MYO9B: variants seen among roughly 807,000 people sequenced by gnomAD.
MYO9B encodes unconventional myosin-IXb.
MYO9B carries 71 observed loss-of-function variants against 229.5 expected under a neutral mutation model. The ratio of observed to expected loss-of-function variants is 0.31; its 90% confidence interval spans 0.26 to 0.38. The LOEUF is 0.38. Ranked by LOEUF, MYO9B falls within the 10% of genes least tolerant of loss-of-function variation. MYO9B has a pLI of 1.00. For synonymous variants in MYO9B, 1,185 were observed against 1,235.8 expected (o/e 0.96, Z 0.86); for missense variants, 2,255 against 2,920.5 (o/e 0.77, Z 5.25).
chr19:17,167,199 A>ATTTT (rs79129217), intron 10 of MYO9B, among the ~76,000 whole-genome samples: 1 of 134,636 alleles, frequency 7.4e-6, no homozygotes, highest in African/African-American at 2.8e-5. Context: ...AAAGTTTTGG[A>ATTTT]TTTTTTTTTT....
chr19:17,113,204 C>G (rs2057865476), intron 2 of MYO9B, among the ~76,000 whole-genome samples: 2 of 152,102 alleles, frequency 1.3e-5, no homozygotes, highest in African/African-American at 4.8e-5. Flanking sequence ...CTTTGCTGGG[C>G]TGAGGGAGAA....
chr19:17,086,772 C>G (rs576156986), intron 1 of MYO9B, among the ~76,000 whole-genome samples: 3 of 151,914 alleles, frequency 2.0e-5, no homozygotes, highest in African/African-American at 7.3e-5. Flanking sequence ...CCCAGCTACT[C>G]GGGAGGCTGA....
chr19:17,130,807 A>G (rs2072187141), intron 2 of MYO9B, among the ~76,000 whole-genome samples: 1 of 151,818 alleles, frequency 6.6e-6, no homozygotes, highest in African/African-American at 2.4e-5. Flanking sequence ...TTTTGCCTAC[A>G]TAGGACGTTC....
Position 17,163,126 on chromosome 19 carries a change from C to T in MYO9B, c.1671+4C>T, listed in dbSNP as rs932347539. 38 of 1,549,884 alleles carry T rather than the reference C, an allele frequency of 2.5e-5. No individual in the cohort carries two copies. The highest frequency in any genetic ancestry group is 1.7e-4 in the Middle Eastern group (1 of 5,992). ...GCACATCTTCAAGCTGGAGCAGGTG[C>T]GGAAAGGGCTTTTTTGTCAATTTTT... On this transcript the variant is annotated splice_donor_region_variant and intron_variant, in intron 10 of 39. Coordinates refer to ENST00000682292, the MANE Select transcript of MYO9B (RefSeq NM_004145.4).
At chr19:17,191,765 C>T (rs982202697) in intron 20 of MYO9B, among the ~76,000 whole-genome samples, 4 of 151,714 alleles carry the variant, frequency 2.6e-5, no homozygotes, top group African/African-American at 7.3e-5. Context: ...CCCTTGAGCC[C>T]AGGAGTTTGA....
chr19:17,188,033 G>A lies in MYO9B; in HGVS notation c.2676G>A (p.Lys892=), dbSNP rs2072938474. The A allele has an allele frequency of 2.5e-6, 4 of 1,594,776 alleles. No individual in the cohort carries two copies. Among genetic ancestry groups the A allele is most frequent in the Non-Finnish European group, 3.4e-6 (4 of 1,170,888 alleles). The change falls in exon 19 of 40, where the codon AAG becomes AAA. Residue 892 remains lysine, a synonymous_variant. Coordinates refer to ENST00000682292, the MANE Select transcript of MYO9B (RefSeq NM_004145.4). ...VRIRRSGYSA[K]YTFQDFTEQF... is the part of the protein sequence containing the mutation. ...TCCGGAGGTCAGGGTACAGCGCCAA[G>A]TACACGTTCCAGGTAGGCCACAAGC... is the stretch of plus-strand genomic sequence containing the variant.
In MYO9B at chr19:17,163,133, G is replaced by C. The variant is rs1329076620; in HGVS notation, c.1671+11G>C. On this transcript the variant is annotated intron_variant, in intron 10 of 39. Transcript: ENST00000682292. Reference sequence around the variant, plus strand: ...TTCAAGCTGGAGCAGGTGCGGAAAGGGCTTTTTTGTCAATTTTTTGAACTT... The same window carrying C: ...TTCAAGCTGGAGCAGGTGCGGAAAGCGCTTTTTTGTCAATTTTTTGAACTT... 1 of 1,547,116 alleles carries C rather than the reference G, an allele frequency of 6.5e-7. No individual in the cohort carries two copies. The highest frequency in any genetic ancestry group is 2.0e-5 in the Admixed American group (1 of 49,680).
At chr19:17,123,777 G>A (rs1473819046) in intron 2 of MYO9B, among the ~76,000 whole-genome samples, 1 of 152,102 alleles carries the variant, frequency 6.6e-6, no homozygotes, top group African/African-American at 2.4e-5. Flanking sequence ...ATAGAAAATA[G>A]GCAAGGATGT....
intron 9 of MYO9B, 105 bp from the exon 10 acceptor site, chr19:17,162,883 C>A: frequency 7.9e-7 from 1 of 1,269,774 alleles, no homozygotes; most frequent in Non-Finnish European, 1.1e-6. Context: ...GCAACAGGGA[C>A]TGGGGACCTA....
At position 17,212,202 on chromosome 19, in the gene MYO9B, CGCCCTGGA is replaced by C; in HGVS notation, c.6371_6378del (p.Leu2124ProfsTer73). The C allele has an allele frequency of 6.3e-7, 1 of 1,582,234 alleles. No individual in the cohort carries two copies. On this transcript the variant is annotated frameshift_variant, in exon 40 of 40. Transcript: ENST00000682292. LOFTEE classifies it low-confidence loss of function (END_TRUNC). The surrounding 1 kb of genome is among the most constrained non-coding windows in gnomAD (Gnocchi z 5.4). ...CCGGGGCAGACCTGCCAGTGCAGGG[CGCCCTGGA>C]GCCCCTAGAAGAGGATGGCCAGCCA...
chr19:17,195,610 G>C lies in MYO9B; in HGVS notation c.4046+137G>C. 8.7e-7 allele frequency: 1 copy of C among 1,155,240 alleles called. No homozygotes were observed. The highest frequency in any genetic ancestry group is 1.2e-6 in the Non-Finnish European group (1 of 826,792). The allele number at this position is 1,155,240 out of a possible 1,614,324, so 71.6% of individuals were successfully genotyped here. A position where few individuals can be genotyped will look rare whatever the true frequency, so the allele number is the denominator to read the frequency against. ...TGCGGGAGGCCTGAGGGAGGAGGAC[G>C]AGCAGGACATGCTAAAGACCAAGTG... On this transcript the variant is annotated intron_variant, in intron 22 of 39. Transcript: ENST00000682292. This position sits in a 1 kb window ranked among gnomAD's most constrained non-coding sequence, Gnocchi z 4.5.
intron 13 of MYO9B, among the ~76,000 whole-genome samples, chr19:17,174,703 G>A (rs2072764192): frequency 6.6e-6 from 1 of 151,962 alleles, no homozygotes; most frequent in South Asian, 2.1e-4. Flanking sequence ...GGGAGACCGA[G>A]GTGGGTGGAC....
At chr19:17,095,166 C>A (rs1012135142) in intron 1 of MYO9B, among the ~76,000 whole-genome samples, 2 of 152,030 alleles carry the variant, frequency 1.3e-5, no homozygotes, top group Non-Finnish European at 2.9e-5. Flanking sequence ...TCGCTTGAAC[C>A]CAGGACGTGA....
Position 17,195,121 on chromosome 19 carries a change from G to C in MYO9B, c.3694G>C (p.Glu1232Gln). Residue 1232 changes from glutamate (E) to glutamine (Q), a missense_variant, in exon 22 of 40, where the codon GAA becomes CAA. Around this residue, in one of 7 missense-constraint regions of MYO9B, gnomAD observed 679 missense variants for 770.2 expected, o/e 0.88. Transcript: ENST00000682292. This position sits in a 1 kb window ranked among gnomAD's most constrained non-coding sequence, Gnocchi z 4.5. The part of the protein sequence containing the change: ...PQAMAVGKVS[E>Q]ETEKTLPSGS... Reference sequence around the variant, plus strand: ...GGCCATGGCAGTTGGCAAGGTCTCTGAAGAAACTGAGAAGACGCTGCCCAG... The same window carrying C: ...GGCCATGGCAGTTGGCAAGGTCTCTCAAGAAACTGAGAAGACGCTGCCCAG... The C allele has an allele frequency of 6.2e-7, 1 of 1,612,508 alleles. No homozygotes were observed.
At chr19:17,181,428 C>T (rs928773801) in intron 15 of MYO9B, among the ~76,000 whole-genome samples, 3 of 152,250 alleles carry the variant, frequency 2.0e-5, no homozygotes, top group African/African-American at 4.8e-5. Flanking sequence ...TGCGATTTCC[C>T]AGAGAGGGTG....
At chr19:17,163,167 A>T (rs1304673179) in intron 10 of MYO9B, 45 bp downstream of exon 10, 1 of 1,530,172 alleles carries the variant, frequency 6.5e-7, no homozygotes. Flanking sequence ...TTGGTAAATC[A>T]GACATCACGT....
At chr19:17,134,596 A>G (rs532645918) in intron 2 of MYO9B, among the ~76,000 whole-genome samples, 1 of 151,460 alleles carries the variant, frequency 6.6e-6, no homozygotes, top group African/African-American at 2.4e-5. Flanking sequence ...TTACCACGTT[A>G]ACCAGGTTGG....
At chr19:17,108,882 G>A (rs1041741414) in intron 2 of MYO9B, among the ~76,000 whole-genome samples, 11 of 150,840 alleles carry the variant, frequency 7.3e-5, no homozygotes, top group Admixed American at 2.0e-4. Context: ...CCCGGCTAAT[G>A]TTTGTATTTT....
chr19:17,125,169 C>T (rs1360480639), intron 2 of MYO9B, among the ~76,000 whole-genome samples: 2 of 151,922 alleles, frequency 1.3e-5, no homozygotes, highest in Non-Finnish European at 2.9e-5. Flanking sequence ...GGCGTGGTGG[C>T]ACATGCCTGT....
Sources: gnomAD v4.1 joint callset for allele counts (sites outside exome capture counted in the v4.1 genomes callset) on GRCh38, gnomAD v4.1.1 for gene constraint, gnomAD v4.1.1 regional missense constraint, Gnocchi (gnomAD v3.1) non-coding constraint, MANE v1.5 for transcripts, NCBI Gene and HGNC (gene_info 2026-07-23, HGNC 2026-07-21) for gene names.